MYO5C: variants seen among roughly 807,000 people sequenced by gnomAD.
MYO5C encodes myosin VC.
MYO5C carries 194 observed loss-of-function variants against 235.7 expected under a neutral mutation model. The observed-to-expected ratio is 0.82, with a 90% CI of 0.73 to 0.93. The LOEUF (loss-of-function observed/expected upper bound fraction) is 0.93. Among genes scored for constraint, MYO5C ranks in the 40% least tolerant of loss-of-function variants. MYO5C has a pLI of 0.00. For missense variants in MYO5C, 2,038 were observed against 2,127.2 expected, an observed-to-expected ratio of 0.96 and a Z score of 0.82; for synonymous variants, 707 against 754.8, an observed-to-expected ratio of 0.94 and a Z score of 1.04.
intron 3 of MYO5C, 97 bp downstream of exon 3, chr15:52,279,412 C>T: frequency 1.6e-6 from 2 of 1,286,376 alleles, no homozygotes; most frequent in Non-Finnish European, 1.1e-6. Flanking sequence ...ACAACAAACT[C>T]TGGGTGCTCA....
At chr15:52,265,395 G>C (rs2036785000) in intron 8 of MYO5C, among the ~76,000 whole-genome samples, 2 of 152,142 alleles carry the variant, frequency 1.3e-5, no homozygotes, top group Admixed American at 1.3e-4. Context: ...GGGCTGGCAG[G>C]CAGGCTCATT....
intron 39 of MYO5C, 70 bp from the exon 40 acceptor site, chr15:52,195,527 G>A (rs897854286): frequency 5.5e-6 from 6 of 1,091,322 alleles, no homozygotes; most frequent in Non-Finnish European, 5.2e-6. Flanking sequence ...TAATGGTTCT[G>A]GTTATTGGGA....
In MYO5C at chr15:52,244,583, G is replaced by A. The variant is rs756190237; in HGVS notation, c.2179-16C>T. The A allele has an allele frequency of 1.9e-6, 3 of 1,538,542 alleles. No individual in the cohort carries two copies. The South Asian group carries it at 3.4e-5, about 17-fold the overall frequency. On this transcript the variant is annotated splice_polypyrimidine_tract_variant and intron_variant, in intron 18 of 40. Transcript: ENST00000261839. ...GATTAGAATCCTGGAAGAGAAAAAT[G>A]ATATAGTTAGAATTAAAATCTGTCA... is the stretch of plus-strand genomic sequence containing the variant.
chr15:52,270,225 T>C (rs1255168379), intron 7 of MYO5C, among the ~76,000 whole-genome samples: 1 of 152,200 alleles, frequency 6.6e-6, no homozygotes, highest in Non-Finnish European at 1.5e-5. Context: ...GAGGCTGCAG[T>C]GAGCCGTGCT....
chr15:52,246,961 G>A lies in MYO5C; in HGVS notation c.1935C>T (p.His645=), dbSNP rs1452496301. ...CATTTGGCTTGATGCATCGAACGTA[G>A]TGGGGCGTCGTCGCATTGAGGGTCT... is the stretch of plus-strand genomic sequence containing the variant. The part of the protein sequence containing the change: ...LMETLNATTP[H]YVRCIKPNDE... The change falls in exon 16 of 41, where the codon CAC becomes CAT. Residue 645 remains histidine, a synonymous_variant. Coordinates refer to ENST00000261839, the MANE Select transcript of MYO5C (RefSeq NM_018728.4). 6.2e-7 allele frequency: 1 copy of A among 1,614,122 alleles called. No homozygotes were observed. Among genetic ancestry groups the A allele is most frequent in the Non-Finnish European group, 8.5e-7 (1 of 1,180,004 alleles).
intron 40 of MYO5C, 112 bp from the exon 41 acceptor site, chr15:52,194,166 C>T: frequency 1.0e-6 from 1 of 979,590 alleles, no homozygotes; most frequent in Admixed American, 3.0e-5. Context: ...CTCCTTGCAC[C>T]ATCACATGAA....
intron 10 of MYO5C, 184 bp from the exon 11 acceptor site, chr15:52,256,904 G>T: frequency 1.8e-6 from 1 of 541,234 alleles, no homozygotes; most frequent in South Asian, 2.4e-5. Flanking sequence ...CCCTTTTCCT[G>T]GTTGTCCCCC....
intron 11 of MYO5C, among the ~76,000 whole-genome samples, chr15:52,253,765 C>T (rs1405906961): frequency 6.6e-6 from 1 of 152,236 alleles, no homozygotes. Context: ...TTCCTGCTAG[C>T]AGCTATCCAA....
intron 32 of MYO5C, 125 bp from the exon 33 acceptor site, chr15:52,214,815 A>G (rs1298908995): frequency 1.8e-6 from 1 of 555,018 alleles, no homozygotes; most frequent in East Asian, 3.2e-5. Context: ...TTAAAGTGTA[A>G]ACTCAAAGGT....
rs1044978688 is a variant in MYO5C at position 52,193,994 on chromosome 15, G to C, written c.5137C>G (p.Gln1713Glu). ...QLMLDTKYLF[Q>E]VTFPFTPSPH... ...GAGGGGGTAAAAGGAAATGTGACTTGAAAGAGATATTTGGTATCCAACATC... is the reference window on the plus strand; with the variant it reads ...GAGGGGGTAAAAGGAAATGTGACTTCAAAGAGATATTTGGTATCCAACATC... The change falls in exon 41 of 41, where the codon CAA becomes GAA. Residue 1713 changes from glutamine (Q) to glutamate (E), a missense_variant. Gln to Glu is a conservative substitution (Grantham distance 29). Transcript: ENST00000261839. 1.2e-6 allele frequency: 2 copies of C among 1,613,708 alleles called. No homozygotes were observed. Among genetic ancestry groups the C allele is most frequent in the Non-Finnish European group, 1.7e-6 (2 of 1,179,858 alleles).
intron 1 of MYO5C, 34 bp from the exon 2 acceptor site, chr15:52,282,926 G>A: frequency 7.1e-7 from 1 of 1,416,824 alleles, no homozygotes. Flanking sequence ...TGAATTTCAG[G>A]ACTTCCAAAA....
intron 18 of MYO5C, among the ~76,000 whole-genome samples, 155 bp downstream of exon 18, chr15:52,245,199 G>T (rs569111212): frequency 1.3e-5 from 2 of 152,318 alleles, no homozygotes; most frequent in South Asian, 2.1e-4. Flanking sequence ...ACTCTGCTAT[G>T]GTCTCTTCAG....
At chr15:52,294,987 C>T (rs1229514937) in intron 1 of MYO5C, among the ~76,000 whole-genome samples, 6 of 152,208 alleles carry the variant, frequency 3.9e-5, no homozygotes, top group African/African-American at 7.2e-5. Context: ...CTTGGTGCCA[C>T]TGCAGTGCCC....
intron 4 of MYO5C, 122 bp from the exon 5 acceptor site, chr15:52,275,840 A>T: frequency 1.1e-6 from 1 of 928,038 alleles, no homozygotes; most frequent in Non-Finnish European, 1.6e-6. Flanking sequence ...ACTATTTTTA[A>T]ATCTCAATCA....
intron 14 of MYO5C, 92 bp downstream of exon 14, chr15:52,248,602 ACACACT>A: frequency 4.7e-6 from 4 of 845,306 alleles, no homozygotes; most frequent in Admixed American, 4.0e-5. Context: ...ACACACACAC[ACACACT>A]CTCTCTCTCT....
rs555499030 is a variant in MYO5C, at chr15:52,237,925, C to CT, written c.2704-280_2704-279insA. ...CCCTAGTGTTATGAACTGTGCCCCC[C>CT]GCCAAAATTCATTTGTTGAAGTCCT... On this transcript the variant is annotated intron_variant, in intron 21 of 40. Transcript: ENST00000261839. 4.6e-5 allele frequency among the ~76,000 whole-genome samples: 7 copies of CT among 150,696 alleles called. No individual in the cohort carries two copies. In the East Asian group the frequency reaches 1.4e-3, roughly 29 times the overall value.
At chr15:52,231,505 C>T (rs893091422) in intron 24 of MYO5C, among the ~76,000 whole-genome samples, 8 of 152,080 alleles carry the variant, frequency 5.3e-5, no homozygotes, top group African/African-American at 1.7e-4. Flanking sequence ...AAAAACTCAT[C>T]GACAATTATA....
intron 32 of MYO5C, among the ~76,000 whole-genome samples, chr15:52,216,153 A>C (rs1171428298): frequency 6.6e-6 from 1 of 152,210 alleles, no homozygotes; most frequent in Non-Finnish European, 1.5e-5. Flanking sequence ...ACCATGTATG[A>C]CAGTGCCCAT....
intron 40 of MYO5C, 74 bp from the exon 41 acceptor site, chr15:52,194,128 G>A (rs2034995003): frequency 7.0e-7 from 1 of 1,432,096 alleles, no homozygotes; most frequent in Non-Finnish European, 9.6e-7. Flanking sequence ...GAAAGTCAAG[G>A]CAAAACACAG....
Sources: gnomAD v4.1 joint callset for allele counts (sites outside exome capture counted in the v4.1 genomes callset) on GRCh38, gnomAD v4.1.1 for gene constraint, MANE v1.5 for transcripts, NCBI Gene and HGNC (gene_info 2026-07-23, HGNC 2026-07-21) for gene names.